POC1B: variants seen among roughly 807,000 people sequenced by gnomAD.
POC1B encodes the protein POC1 centriolar protein homolog B.
A neutral mutation model predicts 60.6 loss-of-function variants in POC1B; 44 were observed. That is an observed-to-expected ratio of 0.73 (90% CI 0.57 to 0.93). The LOEUF (loss-of-function observed/expected upper bound fraction) is 0.93. Among genes scored for constraint, POC1B ranks in the 40% least tolerant of loss-of-function variants. POC1B has a pLI of 0.00. For missense variants in POC1B, 555 were observed against 572.3 expected (o/e 0.97, Z 0.31); for synonymous variants, 180 against 198.9 (o/e 0.90, Z 0.80).
chr12:89,508,356 T>C (rs1870004097), intron 2 of POC1B, among the ~76,000 whole-genome samples: 1 of 152,242 alleles, frequency 6.6e-6, no homozygotes, highest in South Asian at 2.1e-4. Context: ...CTTAGGTTGC[T>C]CTTTGTCTTT....
chr12:89,469,798 A>G (rs1882817945), intron 7 of POC1B, among the ~76,000 whole-genome samples: 1 of 152,246 alleles, frequency 6.6e-6, no homozygotes, highest in East Asian at 1.9e-4. Context: ...ACAGCAGGAG[A>G]AGATTCATTT....
intron 4 of POC1B, among the ~76,000 whole-genome samples, chr12:89,480,440 T>C (rs1365780816): frequency 6.6e-6 from 1 of 151,718 alleles, no homozygotes; most frequent in Non-Finnish European, 1.5e-5. Flanking sequence ...TTTTTTTTTT[T>C]TTATAGAGTC....
chr12:89,511,207 G>GAGGCGGGTAGATC (rs1870170103), intron 2 of POC1B, among the ~76,000 whole-genome samples: 1 of 151,874 alleles, frequency 6.6e-6, no homozygotes. Context: ...TAGATCACCT[G>GAGGCGGGTAGATC]AGGTCAGGAG....
At chr12:89,493,522 G>A (rs1327748825) in intron 3 of POC1B, among the ~76,000 whole-genome samples, 2 of 152,118 alleles carry the variant, frequency 1.3e-5, no homozygotes, top group Non-Finnish European at 2.9e-5. Context: ...AGGAAAAACT[G>A]AAATACATAT....
At chr12:89,463,015 A>C (rs1454680917) in intron 9 of POC1B, among the ~76,000 whole-genome samples, 3 of 152,218 alleles carry the variant, frequency 2.0e-5, no homozygotes, top group Non-Finnish European at 4.4e-5. Flanking sequence ...CAACCTTATT[A>C]GAAGATTGAG....
chr12:89,456,077 G>A (rs1056234043), intron 10 of POC1B, among the ~76,000 whole-genome samples: 3 of 152,018 alleles, frequency 2.0e-5, no homozygotes, highest in Admixed American at 6.6e-5. Flanking sequence ...CTGGAGTGCA[G>A]TAGCACAATC....
At chr12:89,476,759 T>TAGGTAGAC (rs1555183526) in intron 4 of POC1B, among the ~76,000 whole-genome samples, 3 of 58,648 alleles carry the variant, frequency 5.1e-5, no homozygotes, top group East Asian at 1.2e-3. Flanking sequence ...GATAGATAGA[T>TAGGTAGAC]AGACAGACAG....
intron 10 of POC1B, among the ~76,000 whole-genome samples, chr12:89,434,676 G>C (rs916366206): frequency 2.6e-5 from 4 of 152,046 alleles, no homozygotes; most frequent in African/African-American, 9.7e-5. Flanking sequence ...AACTCAAAAG[G>C]GAAAACAAGT....
rs187767855 is a variant in POC1B at position 89,523,191 on chromosome 12, G to A, written c.100+1929C>T. On this transcript the variant is annotated intron_variant, in intron 2 of 11. Transcript: ENST00000313546. ...AATTATAATCTAAACATTCAGACGA[G>A]ATCCCTCTACTGCGAATAGCCCCAT... The A allele has an allele frequency of 3.9e-3, 6,302 of 1,613,896 alleles. 23 individuals are homozygous for A. The highest frequency in any genetic ancestry group is 4.8e-3 in the Non-Finnish European group (5,719 of 1,179,804).
chr12:89,500,700 C>G, intron 2 of POC1B: 1 of 1,385,092 alleles, frequency 7.2e-7, no homozygotes, highest in Non-Finnish European at 1.0e-6. Flanking sequence ...TCACTTAAAA[C>G]CAAAAAAAGA....
intron 2 of POC1B, among the ~76,000 whole-genome samples, chr12:89,498,878 AG>A (rs1270833424): frequency 6.6e-6 from 1 of 152,184 alleles, no homozygotes; most frequent in African/African-American, 2.4e-5. Context: ...ACCACATAGT[AG>A]GGAAGACAGC....
At chr12:89,487,200 C>T (rs190931729) in intron 4 of POC1B, among the ~76,000 whole-genome samples, 6 of 152,196 alleles carry the variant, frequency 3.9e-5, no homozygotes, top group South Asian at 2.1e-4. Flanking sequence ...TTTCCGTGGG[C>T]GAGCCTGAGC....
At position 89,523,636 on chromosome 12, in the gene POC1B, C is replaced by T. The variant is rs746394140; in HGVS notation, c.100+1484G>A. On this transcript the variant is annotated intron_variant, in intron 2 of 11. Coordinates refer to ENST00000313546, the MANE Select transcript of POC1B (RefSeq NM_172240.3). ...CAGTCCTCCAGCCATGGTAGGTGAT[C>T]TGATGGGGTCAATTCTTGATATCCG... is the stretch of plus-strand genomic sequence containing the variant. 5.2e-6 allele frequency: 8 copies of T among 1,540,718 alleles called. No homozygotes were observed. In the South Asian group the frequency reaches 9.1e-5, roughly 18 times the overall value.
At chr12:89,415,637 C>T (rs1426905191), downstream of POC1B, among the ~76,000 whole-genome samples, 2 of 145,352 alleles carry the variant, frequency 1.4e-5, no homozygotes, top group Non-Finnish European at 3.0e-5. Context: ...AGCGAGACTC[C>T]GTCTCAAAAA....
the POC1B span, among the ~76,000 whole-genome samples, chr12:89,412,508 G>A: frequency 6.6e-6 from 1 of 151,548 alleles, no homozygotes; most frequent in African/African-American, 2.4e-5. Context: ...ATAAAACCTC[G>A]TCTCTACTAA....
intron 3 of POC1B, among the ~76,000 whole-genome samples, 158 bp from the exon 4 acceptor site, chr12:89,492,273 C>T (rs1869020875): frequency 6.6e-6 from 1 of 152,128 alleles, no homozygotes; most frequent in South Asian, 2.1e-4. Flanking sequence ...TTGTACTGTA[C>T]TCTTCGTCAA....
At chr12:89,419,597 C>T (rs756802178), downstream of POC1B, 14 of 152,018 alleles carry the variant, frequency 9.2e-5, no homozygotes, top group Non-Finnish European at 1.9e-4. Flanking sequence ...GAGATAGGGC[C>T]CAGGAAACTG....
At chr12:89,421,531 G>C (rs1880533093) in intron 11 of POC1B, among the ~76,000 whole-genome samples, 1 of 152,208 alleles carries the variant, frequency 6.6e-6, no homozygotes, top group Non-Finnish European at 1.5e-5. Flanking sequence ...TCTTATGCCT[G>C]ATCTTCTAAA....
At chr12:89,510,478 C>T (rs967766539) in intron 2 of POC1B, among the ~76,000 whole-genome samples, 1 of 152,232 alleles carries the variant, frequency 6.6e-6, no homozygotes, top group Non-Finnish European at 1.5e-5. Context: ...TCTGCACATC[C>T]TGAGCTCAGC....
Sources: gnomAD v4.1 joint callset for allele counts (sites outside exome capture counted in the v4.1 genomes callset) on GRCh38, gnomAD v4.1.1 for gene constraint, MANE v1.5 for transcripts, NCBI Gene and HGNC (gene_info 2026-07-23, HGNC 2026-07-21) for gene names.